COL4A4: variants seen among roughly 807,000 people sequenced by gnomAD.
The protein encoded by COL4A4 is collagen alpha-4(IV) chain.
In COL4A4, 105 loss-of-function variants were observed where a neutral mutation model predicts 192.9. The observed-to-expected ratio is 0.54, with a 90% CI of 0.46 to 0.64. COL4A4 has a LOEUF of 0.64. COL4A4 is among the 30% of genes least tolerant of loss of function. The pLI, the probability that COL4A4 is intolerant of heterozygous loss-of-function variation, is 0.00. For missense variants in COL4A4, 1,967 were observed against 2,169.3 expected (o/e 0.91, Z 1.85); for synonymous variants, 762 against 769.9 (o/e 0.99, Z 0.17).
In COL4A4 at chr2:227,153,598, C is replaced by G. The variant is rs552288513; in HGVS notation, c.-101-6014G>C. Among the ~76,000 whole-genome samples the G allele has an allele frequency of 2.0e-5, 3 of 152,158 alleles. No individual in the cohort carries two copies. In the South Asian group the frequency reaches 6.3e-4, roughly 32 times the overall value. On this transcript the variant is annotated intron_variant, in intron 1 of 47. Coordinates refer to ENST00000396625, the MANE Select transcript of COL4A4 (RefSeq NM_000092.5). ...AACTGACTCTGGGATGAGGATAGTA[C>G]AGACAGAATGTGGATCACTCCTCTA... is the stretch of plus-strand genomic sequence containing the variant.
chr2:227,040,237 G>A (rs1426663954), intron 37 of COL4A4, among the ~76,000 whole-genome samples: 3 of 152,220 alleles, frequency 2.0e-5, no homozygotes, highest in Non-Finnish European at 4.4e-5. Context: ...GAGTCAATGA[G>A]CAAAGGCAGG....
intron 18 of COL4A4, 123 bp downstream of exon 18, chr2:227,099,497 C>T (rs1365340190): frequency 3.7e-6 from 3 of 813,118 alleles, no homozygotes; most frequent in Admixed American, 1.9e-5. Context: ...ACTCATGCTA[C>T]AGTTCGTGCA....
chr2:226,995,663 G>C, the COL4A4 span: 1 of 662,324 alleles, frequency 1.5e-6, no homozygotes, highest in South Asian at 1.8e-5. Context: ...CATCACCTGG[G>C]ACAGTCCCAT....
chr2:227,138,520 C>T (rs983152556), intron 4 of COL4A4, among the ~76,000 whole-genome samples: 1 of 151,744 alleles, frequency 6.6e-6, no homozygotes, highest in African/African-American at 2.4e-5. Context: ...GTAGTCCCAG[C>T]TACTGAGGAG....
intron 1 of COL4A4, among the ~76,000 whole-genome samples, chr2:227,156,022 C>A (rs993469640): frequency 2.7e-5 from 4 of 150,768 alleles, no homozygotes; most frequent in African/African-American, 7.3e-5. Flanking sequence ...AGGAGCAGCT[C>A]AATAAATGTT....
At position 227,003,804 on chromosome 2, in the gene COL4A4, T is replaced by A. The variant is rs921810280; in HGVS notation, c.*3521A>T. 1.3e-5 allele frequency: 2 copies of A among 152,142 alleles called. No individual in the cohort carries two copies. Among genetic ancestry groups the A allele is most frequent in the Non-Finnish European group, 2.9e-5 (2 of 68,016 alleles). 9.4% of individuals were successfully genotyped at this position (152,142 alleles called of 1,614,324 possible). ...GGTCTTCTCAGTCGGATCTCTCAAA[T>A]CTCATTTCTGAAATTTCTGTTTATA... On this transcript the variant is annotated 3_prime_UTR_variant, in exon 48 of 48. Transcript: ENST00000396625.
At chr2:227,016,721 C>T (rs115677235) in intron 44 of COL4A4, among the ~76,000 whole-genome samples, 282 of 152,316 alleles carry the variant, frequency 1.9e-3, no homozygotes, top group African/African-American at 6.0e-3. Context: ...AGTCTCTCCC[C>T]TCCATGCCCT....
intron 4 of COL4A4, among the ~76,000 whole-genome samples, chr2:227,134,668 G>T (rs2125215916): frequency 1.3e-5 from 2 of 152,322 alleles, no homozygotes; most frequent in African/African-American, 4.8e-5. Context: ...CAAGCTCTTA[G>T]GAGTATAAGG....
chr2:227,153,502 C>T (rs911796709), intron 1 of COL4A4, among the ~76,000 whole-genome samples: 1 of 152,162 alleles, frequency 6.6e-6, no homozygotes, highest in African/African-American at 2.4e-5. Context: ...GTCTCCCCAG[C>T]CACACGGAAA....
the COL4A4 span, among the ~76,000 whole-genome samples, chr2:226,992,706 A>G: frequency 6.6e-6 from 1 of 152,218 alleles, no homozygotes; most frequent in Non-Finnish European, 1.5e-5. Flanking sequence ...CCACATGTCC[A>G]TATCCATGAA....
In COL4A4 at chr2:227,059,634, AC is replaced by A. The variant is rs764125632; in HGVS notation, c.2165-12del. 2.5e-6 allele frequency: 4 copies of A among 1,608,222 alleles called. No homozygotes were observed. In the Admixed American group the frequency reaches 6.7e-5, roughly 27 times the overall value. Reference sequence around the variant, plus strand: ...TGTCACCACGAAAACCTATTTAACAACAAAAAAAAATTTTTAATGATAACAT... The same window carrying A: ...TGTCACCACGAAAACCTATTTAACAAAAAAAAAAATTTTTAATGATAACAT... On this transcript the variant is annotated splice_polypyrimidine_tract_variant and intron_variant, in intron 27 of 47. Transcript: ENST00000396625.
At chr2:227,049,910 A>C (rs1338426358) in intron 34 of COL4A4, among the ~76,000 whole-genome samples, 158 bp downstream of exon 34, 3 of 152,374 alleles carry the variant, frequency 2.0e-5, no homozygotes, top group African/African-American at 7.2e-5. Context: ...ACTGTAGAAT[A>C]TTTGGATCTT....
chr2:227,148,299 T>C (rs886580614), intron 1 of COL4A4, among the ~76,000 whole-genome samples: 1 of 152,228 alleles, frequency 6.6e-6, no homozygotes, highest in Non-Finnish European at 1.5e-5. Context: ...GGTATATCCA[T>C]ACAATGGAGT....
intron 25 of COL4A4, among the ~76,000 whole-genome samples, chr2:227,065,881 C>T (rs1004059296): frequency 1.3e-5 from 2 of 152,234 alleles, no homozygotes; most frequent in African/African-American, 4.8e-5. Flanking sequence ...CGGAGAATCA[C>T]TTTGACGAGC....
chr2:227,091,468 G>GAA (rs2059928246), intron 20 of COL4A4, among the ~76,000 whole-genome samples: 1 of 149,260 alleles, frequency 6.7e-6, no homozygotes, highest in African/African-American at 2.5e-5. Context: ...CTGACAGATA[G>GAA]ATAGAGTACA....
At chr2:227,032,316 T>C (rs1191511161) in intron 38 of COL4A4, 40 bp from the exon 39 acceptor site, 3 of 1,580,846 alleles carry the variant, frequency 1.9e-6, no homozygotes, top group Admixed American at 1.8e-5. Flanking sequence ...ATCTTCTCTT[T>C]TCTTGTCCCT....
At chr2:227,047,333 A>C (rs1344250379) in intron 35 of COL4A4, 142 bp downstream of exon 35, 3 of 694,970 alleles carry the variant, frequency 4.3e-6, no homozygotes, top group Non-Finnish European at 7.9e-6. Flanking sequence ...GGAAGTGTTT[A>C]TATATAACCC....
intron 23 of COL4A4, among the ~76,000 whole-genome samples, chr2:227,081,658 AT>A (rs2059332694): frequency 6.6e-6 from 1 of 152,162 alleles, no homozygotes; most frequent in South Asian, 2.1e-4. Context: ...ATATACACAT[AT>A]ATCCTATTAG....
intron 7 of COL4A4, among the ~76,000 whole-genome samples, chr2:227,116,154 G>GT (rs1052665571): frequency 3.4e-4 from 49 of 142,916 alleles, no homozygotes; most frequent in Non-Finnish European, 1.5e-4. Flanking sequence ...GGGAAGAAAC[G>GT]TAACAATGTA....
Sources: allele counts gnomAD v4.1 joint callset (sites outside exome capture counted in the v4.1 genomes callset), GRCh38; gene constraint gnomAD v4.1.1; transcripts MANE v1.5; gene names NCBI Gene and HGNC (gene_info 2026-07-23, HGNC 2026-07-21).